The following DYM variants were observed in gnomAD, a reference collection of about 807,000 sequenced individuals.
DYM encodes the protein dymeclin.
A neutral mutation model predicts 93.1 loss-of-function variants in DYM; 78 were observed. The observed-to-expected ratio is 0.84, with a 90% CI of 0.70 to 1.01. DYM has a LOEUF of 1.01. Ranked by LOEUF, DYM falls within the 50% of genes least tolerant of loss-of-function variation. DYM has a pLI of 0.00. For synonymous variants in DYM, 321 were observed against 319.7 expected (o/e 1.00, Z -0.04); for missense variants, 789 against 845.0 (o/e 0.93, Z 0.82).
At chr18:49,107,358 C>G (rs762901796) in intron 16 of DYM, among the ~76,000 whole-genome samples, 1 of 152,156 alleles carries the variant, frequency 6.6e-6, no homozygotes, top group Non-Finnish European at 1.5e-5. Flanking sequence ...CAAACTTCCT[C>G]CTTTAGCTAG....
intron 1 of DYM, among the ~76,000 whole-genome samples, chr18:49,442,803 T>C (rs1249879642): frequency 2.6e-5 from 4 of 152,088 alleles, no homozygotes; most frequent in East Asian, 1.9e-4. Context: ...AAATCATAAA[T>C]TGGCAAATTA....
intron 15 of DYM, among the ~76,000 whole-genome samples, chr18:49,132,299 A>G (rs1007194294): frequency 2.6e-5 from 4 of 152,186 alleles, no homozygotes; most frequent in African/African-American, 9.6e-5. Context: ...ATGGGGGTTC[A>G]TTAAACTACT....
chr18:49,415,342 A>AAAAAAAAAT (rs1555734876), intron 2 of DYM, among the ~76,000 whole-genome samples: 1 of 144,256 alleles, frequency 6.9e-6, no homozygotes, highest in East Asian at 2.1e-4. Context: ...AAAAAAAAAA[A>AAAAAAAAAT]TTAAAAAAAT....
chr18:49,401,749 G>A (rs748188496), intron 2 of DYM, among the ~76,000 whole-genome samples: 2 of 152,072 alleles, frequency 1.3e-5, no homozygotes, highest in Non-Finnish European at 1.5e-5. Flanking sequence ...AACTAGGCTG[G>A]GTGCTGTGGC....
chr18:49,156,924 T>A lies in DYM; in HGVS notation c.1728+6761A>T, dbSNP rs1405975404. 2.0e-5 allele frequency among the ~76,000 whole-genome samples: 3 copies of A among 151,820 alleles called. No homozygotes were observed. In the East Asian group the frequency reaches 5.8e-4, roughly 29 times the overall value. On this transcript the variant is annotated intron_variant, in intron 15 of 17. Coordinates refer to ENST00000675505, the MANE Select transcript of DYM (RefSeq NM_001353214.3). ...CTCTGCCTCACCTAAAGTCTTTGCCTCACCTAAAGTGGGGTGCCTGGCACA... is the reference window on the plus strand; with the variant it reads ...CTCTGCCTCACCTAAAGTCTTTGCCACACCTAAAGTGGGGTGCCTGGCACA...
At chr18:49,441,619 T>C (rs1340024754) in intron 1 of DYM, among the ~76,000 whole-genome samples, 1 of 151,318 alleles carries the variant, frequency 6.6e-6, no homozygotes, top group Non-Finnish European at 1.5e-5. Flanking sequence ...AAGAAAGATA[T>C]AAACCCACAA....
intron 17 of DYM, among the ~76,000 whole-genome samples, chr18:49,086,945 G>GCCA (rs1214167129): frequency 6.6e-6 from 1 of 151,952 alleles, no homozygotes; most frequent in African/African-American, 2.4e-5. Flanking sequence ...CTGAGATCAT[G>GCCA]CCACCGCACT....
chr18:49,220,227 A>C (rs1334339631), intron 13 of DYM, among the ~76,000 whole-genome samples: 1 of 151,794 alleles, frequency 6.6e-6, no homozygotes, highest in Non-Finnish European at 1.5e-5. Context: ...AAGGAGAACT[A>C]CAAACCACTG....
intron 2 of DYM, among the ~76,000 whole-genome samples, chr18:49,394,036 A>G (rs2069728734): frequency 6.6e-6 from 1 of 152,176 alleles, no homozygotes; most frequent in Non-Finnish European, 1.5e-5. Context: ...TGCCAAGATT[A>G]AAAAGTTTTA....
intron 10 of DYM, 108 bp downstream of exon 10, chr18:49,281,889 C>T: frequency 3.8e-6 from 4 of 1,063,086 alleles, no homozygotes; most frequent in Non-Finnish European, 5.4e-6. Context: ...ACCAACATGG[C>T]ACATGTATAC....
intron 16 of DYM, among the ~76,000 whole-genome samples, chr18:49,105,577 G>C (rs1317816401): frequency 6.6e-6 from 1 of 152,150 alleles, no homozygotes; most frequent in Non-Finnish European, 1.5e-5. Flanking sequence ...ACACTGCTTT[G>C]AATGTGTCCC....
chr18:49,321,454 G>T (rs1179878747), intron 8 of DYM: 3 of 397,356 alleles, frequency 7.5e-6, no homozygotes, highest in Non-Finnish European at 1.3e-5. Flanking sequence ...TTTAAAAGTG[G>T]TTGTCAGCAA....
intron 5 of DYM, among the ~76,000 whole-genome samples, chr18:49,377,022 A>G (rs1377248711): frequency 6.6e-6 from 1 of 152,218 alleles, no homozygotes; most frequent in Admixed American, 6.5e-5. Context: ...GGGGTCTCAG[A>G]GGGAGAAGAG....
At chr18:49,114,505 TAC>T (rs1339445341) in intron 16 of DYM, 1 of 963,490 alleles carries the variant, frequency 1.0e-6, no homozygotes, top group African/African-American at 1.8e-5. Flanking sequence ...ACTGTGTACT[TAC>T]AGTGAGGTCC....
rs1162284865 is a variant in DYM at position 49,044,187 on chromosome 18, T to C, written c.2043A>G (p.Lys681=). 6.2e-7 allele frequency: 1 copy of C among 1,614,126 alleles called. No individual in the cohort carries two copies. Among genetic ancestry groups the C allele is most frequent in the Non-Finnish European group, 8.5e-7 (1 of 1,180,026 alleles). ...KDRLKKFPEL[K]FKYVEEEQPE... ...GCTGCTCCTCTTCCACATATTTGAA[T>C]TTCAATTCTGGAAATTTCTGCAATG... is the stretch of plus-strand genomic sequence containing the variant. Residue 681 remains lysine (K), a synonymous_variant, in exon 18 of 18, where the codon AAA becomes AAG. Coordinates refer to ENST00000675505, the MANE Select transcript of DYM (RefSeq NM_001353214.3).
At chr18:49,096,276 T>C (rs1452678677) in intron 17 of DYM, among the ~76,000 whole-genome samples, 2 of 152,246 alleles carry the variant, frequency 1.3e-5, no homozygotes, top group African/African-American at 4.8e-5. Flanking sequence ...TGAATCTCCC[T>C]GTTGTTTATG....
chr18:49,123,543 G>GTGTC (rs2082557400), intron 15 of DYM, among the ~76,000 whole-genome samples: 1 of 152,166 alleles, frequency 6.6e-6, no homozygotes, highest in Non-Finnish European at 1.5e-5. Flanking sequence ...TCTGGCACTA[G>GTGTC]TGTCTGGCCT....
intron 5 of DYM, among the ~76,000 whole-genome samples, chr18:49,365,101 A>G (rs1370784877): frequency 6.6e-6 from 1 of 152,180 alleles, no homozygotes; most frequent in Non-Finnish European, 1.5e-5. Flanking sequence ...ACTGAGCCCA[A>G]GCATCTCAGA....
intron 16 of DYM, among the ~76,000 whole-genome samples, chr18:49,106,350 T>A (rs571790052): frequency 7.2e-5 from 11 of 152,216 alleles, no homozygotes; most frequent in African/African-American, 2.7e-4. Context: ...GGGTCTTGAC[T>A]CTTTATCCAA....
Sources: gnomAD v4.1 joint callset for allele counts (sites outside exome capture counted in the v4.1 genomes callset) on GRCh38, gnomAD v4.1.1 for gene constraint, MANE v1.5 for transcripts, NCBI Gene and HGNC (gene_info 2026-07-23, HGNC 2026-07-21) for gene names.